Variants in RUNX3 observed in about 807,000 individuals in gnomAD.
RUNX3 encodes runt-related transcription factor 3.
RUNX3 carries 10 observed loss-of-function variants against 27.7 expected under a neutral mutation model. The ratio of observed to expected loss-of-function variants is 0.36; its 90% CI spans 0.22 to 0.61. The LOEUF (loss-of-function observed/expected upper bound fraction) is 0.61. Among genes scored for constraint, RUNX3 ranks in the 20% least tolerant of loss-of-function variants. The probability of loss-of-function intolerance (pLI) is 0.72; values close to 1 mark genes in which losing one functional copy is unlikely to be tolerated. For missense variants in RUNX3, 469 were observed against 629.5 expected (o/e 0.75, Z 2.73); for synonymous variants, 270 against 269.2 (o/e 1.00, Z -0.03).
At chr1:24,932,497 G>C (rs952231366), upstream of RUNX3, among the ~76,000 whole-genome samples, 22 of 152,296 alleles carry the variant, frequency 1.4e-4, no homozygotes, top group East Asian at 2.5e-3. Context: ...CCGGGTGCAG[G>C]CGCGGCGACC....
chr1:24,947,864 C>T (rs981959004), intron 2 of RUNX3, among the ~76,000 whole-genome samples: 2 of 152,204 alleles, frequency 1.3e-5, no homozygotes, highest in Non-Finnish European at 2.9e-5. Context: ...GAAGTTTGAC[C>T]AGGACTGGCT....
chr1:24,917,233 C>G (rs1345063961), intron 3 of RUNX3, among the ~76,000 whole-genome samples: 1 of 152,308 alleles, frequency 6.6e-6, no homozygotes, highest in East Asian at 1.9e-4. Flanking sequence ...CCACCCAGAG[C>G]CCAACTGAGG....
At chr1:24,930,517 A>T (rs1211370148), upstream of RUNX3, among the ~76,000 whole-genome samples, 1 of 151,734 alleles carries the variant, frequency 6.6e-6, no homozygotes, top group South Asian at 2.1e-4. The surrounding 1 kb of genome is among the most constrained non-coding windows in gnomAD (Gnocchi z 4.1). Flanking sequence ...CCCGGGGCAA[A>T]TGCTAGAAAT....
intron 2 of RUNX3, among the ~76,000 whole-genome samples, chr1:24,946,345 G>T (rs1641606071): frequency 6.6e-6 from 1 of 151,902 alleles, no homozygotes. Flanking sequence ...TCTTCTTACT[G>T]TATGTATAGA....
intron 2 of RUNX3, chr1:24,964,498 G>A: frequency 6.2e-7 from 1 of 1,602,708 alleles, no homozygotes; most frequent in South Asian, 1.1e-5. Flanking sequence ...CAGGGCCCTG[G>A]GCTATTGTTA....
intron 2 of RUNX3, among the ~76,000 whole-genome samples, chr1:24,937,591 G>A (rs553592939): frequency 6.6e-6 from 1 of 152,338 alleles, no homozygotes; most frequent in South Asian, 2.1e-4. Flanking sequence ...TTGAACTCAG[G>A]TCTCCCTGAC....
chr1:24,957,067 A>C (rs949956349), intron 2 of RUNX3, among the ~76,000 whole-genome samples: 4 of 152,228 alleles, frequency 2.6e-5, no homozygotes, highest in African/African-American at 9.7e-5. Flanking sequence ...GAGGGGGCTG[A>C]CTTTGGTCAC....
intron 3 of RUNX3, among the ~76,000 whole-genome samples, chr1:24,917,232 G>A (rs1262142870): frequency 6.6e-6 from 1 of 152,162 alleles, no homozygotes; most frequent in Non-Finnish European, 1.5e-5. Flanking sequence ...CCCACCCAGA[G>A]CCCAACTGAG....
rs75746247 is a variant in RUNX3, at chr1:24,906,657, C to T, written c.703+602G>A. Among the ~76,000 whole-genome samples the T allele has an allele frequency of 5.2e-3, 791 of 152,332 alleles. 3 individuals are homozygous for T. The highest frequency in any genetic ancestry group is 0.018 in the African/African-American group (747 of 41,568). ...GGCAGTGGAGATGGAGACCCCAGCTCGGTCTTCCCTTCCACCTCAGCTCCT... is the reference window on the plus strand; with the variant it reads ...GGCAGTGGAGATGGAGACCCCAGCTTGGTCTTCCCTTCCACCTCAGCTCCT... On this transcript the variant is annotated intron_variant, in intron 4 of 4. Transcript: ENST00000308873.
intron 2 of RUNX3, among the ~76,000 whole-genome samples, chr1:24,947,521 G>T (rs563713971): frequency 6.6e-6 from 1 of 152,212 alleles, no homozygotes; most frequent in Non-Finnish European, 1.5e-5. Context: ...AGCCAAGCCC[G>T]GTCTTTGAGG....
upstream of RUNX3, among the ~76,000 whole-genome samples, chr1:24,934,100 A>G (rs1238505912): frequency 6.6e-6 from 1 of 151,802 alleles, no homozygotes; most frequent in Non-Finnish European, 1.5e-5. Flanking sequence ...CATCATTGTG[A>G]TTGATGATCG....
chr1:24,947,475 A>G (rs1018632328), intron 2 of RUNX3, among the ~76,000 whole-genome samples: 2 of 152,070 alleles, frequency 1.3e-5, no homozygotes, highest in Non-Finnish European at 2.9e-5. Flanking sequence ...TCAAAGAGAG[A>G]GAGAACCCTG....
chr1:24,924,963 G>A (rs1641071385), intron 2 of RUNX3, among the ~76,000 whole-genome samples: 1 of 152,076 alleles, frequency 6.6e-6, no homozygotes, highest in Non-Finnish European at 1.5e-5. Flanking sequence ...GTTACTGGGT[G>A]CGTGTCTTTC....
At chr1:24,947,548 C>A (rs977776023) in intron 2 of RUNX3, among the ~76,000 whole-genome samples, 5 of 152,152 alleles carry the variant, frequency 3.3e-5, no homozygotes, top group Admixed American at 1.3e-4. Context: ...AGTGGGCAGG[C>A]CTTTGACCAA....
In RUNX3 at chr1:24,916,923, T is replaced by C. The variant is rs1025471153; in HGVS notation, c.544+2317A>G. On this transcript the variant is annotated intron_variant, in intron 3 of 4. Transcript: ENST00000308873. This position sits in a 1 kb window ranked among gnomAD's most constrained non-coding sequence, Gnocchi z 4.8. ...CCTCGTCCTGAGCCACGCATTTACC[T>C]TCCAGCTCACCCCAGAAGGGGCCAT... 2.0e-5 allele frequency among the ~76,000 whole-genome samples: 3 copies of C among 152,146 alleles called. No individual in the cohort carries two copies. The highest frequency in any genetic ancestry group is 7.2e-5 in the African/African-American group (3 of 41,420).
At chr1:24,921,052 C>A (rs1170379939) in intron 2 of RUNX3, among the ~76,000 whole-genome samples, 1 of 152,154 alleles carries the variant, frequency 6.6e-6, no homozygotes, top group Non-Finnish European at 1.5e-5. Context: ...GGCCAATGGT[C>A]TCGCACTCTC....
chr1:24,963,981 C>T (rs1414901441), intron 2 of RUNX3, among the ~76,000 whole-genome samples: 1 of 152,238 alleles, frequency 6.6e-6, no homozygotes, highest in African/African-American at 2.4e-5. Context: ...CAGCCCAGCT[C>T]TGTGCAGTTT....
In RUNX3 at chr1:24,927,797, AG is replaced by A. The variant is rs1363160593; in HGVS notation, c.283-68del. ...AAGGAAGAGGGTGACCAGGGAAAGGAGGGGAGGGGCTGGGCTGGGCAGCTCC... is the reference window on the plus strand; with the variant it reads ...AAGGAAGAGGGTGACCAGGGAAAGGAGGGAGGGGCTGGGCTGGGCAGCTCC... On this transcript the variant is annotated intron_variant, in intron 1 of 4. Transcript: ENST00000308873. The surrounding 1 kb of genome is among the most constrained non-coding windows in gnomAD (Gnocchi z 5.0). 8.8e-7 allele frequency: 1 copy of A among 1,136,646 alleles called. No individual in the cohort carries two copies. The highest frequency in any genetic ancestry group is 2.9e-5 in the East Asian group (1 of 34,428). 70.4% of individuals were successfully genotyped at this position (1,136,646 alleles called of 1,614,324 possible).
At chr1:24,946,221 A>T (rs1363492382) in intron 2 of RUNX3, among the ~76,000 whole-genome samples, 1 of 152,238 alleles carries the variant, frequency 6.6e-6, no homozygotes, top group Non-Finnish European at 1.5e-5. Context: ...TAAAAATAAT[A>T]CACATTCATT....
Sources: gnomAD v4.1 joint callset for allele counts (sites outside exome capture counted in the v4.1 genomes callset) on GRCh38, gnomAD v4.1.1 for gene constraint, Gnocchi (gnomAD v3.1) non-coding constraint, MANE v1.5 for transcripts, NCBI Gene and HGNC (gene_info 2026-07-23, HGNC 2026-07-21) for gene names.